TMEM120B: variants seen among roughly 807,000 people sequenced by gnomAD.
The protein encoded by TMEM120B is transmembrane protein 120B.
TMEM120B carries 31 observed loss-of-function variants against 55.5 expected under a neutral mutation model. The ratio of observed to expected loss-of-function variants is 0.56; its 90% CI spans 0.42 to 0.75. The LOEUF is 0.75. Among genes scored for constraint, TMEM120B ranks in the 30% least tolerant of loss-of-function variants. TMEM120B has a pLI of 0.00. For synonymous variants in TMEM120B, 203 were observed against 176.3 expected, an observed-to-expected ratio of 1.15 and a Z score of -1.20; for missense variants, 399 against 425.5, an observed-to-expected ratio of 0.94 and a Z score of 0.55.
chr12:121,775,029 T>G lies in TMEM120B; in HGVS notation c.838-33T>G, dbSNP rs758803384. ...TTCTACGTGGCCGGCCAGGGGAGTC[T>G]GGTGGGTGAGCAGCGCCTGCCTTCC... is the stretch of plus-strand genomic sequence containing the variant. On this transcript the variant is annotated intron_variant, in intron 10 of 11. Coordinates refer to ENST00000449592, the MANE Select transcript of TMEM120B (RefSeq NM_001080825.2). This position sits in a 1 kb window ranked among gnomAD's most constrained non-coding sequence, Gnocchi z 4.3. 1.1e-5 allele frequency: 18 copies of G among 1,611,186 alleles called. No individual in the cohort carries two copies. Among genetic ancestry groups the G allele is most frequent in the Non-Finnish European group, 1.4e-5 (17 of 1,178,568 alleles).
chr12:121,748,500 C>A, intron 3 of TMEM120B, 58 bp downstream of exon 3: 3 of 1,194,352 alleles, frequency 2.5e-6, no homozygotes, highest in Non-Finnish European at 3.6e-6. Flanking sequence ...CCTAGCACAG[C>A]TGGTCCATAT....
intron 2 of TMEM120B, among the ~76,000 whole-genome samples, chr12:121,746,926 C>G (rs994781570): frequency 6.6e-6 from 1 of 151,584 alleles, no homozygotes; most frequent in Non-Finnish European, 1.5e-5. Context: ...CCACTGCACT[C>G]CAGCCTGGGC....
At chr12:121,745,814 A>G (rs1873064509) in intron 2 of TMEM120B, among the ~76,000 whole-genome samples, 1 of 151,630 alleles carries the variant, frequency 6.6e-6, no homozygotes, top group Non-Finnish European at 1.5e-5. Flanking sequence ...CCTCATGAAT[A>G]CTAGGACTAC....
intron 1 of TMEM120B, among the ~76,000 whole-genome samples, chr12:121,715,591 G>A (rs951020030): frequency 2.6e-5 from 4 of 152,254 alleles, no homozygotes; most frequent in African/African-American, 4.8e-5. Flanking sequence ...CTCCTGCTCG[G>A]TTCATGATGG....
intron 1 of TMEM120B, among the ~76,000 whole-genome samples, chr12:121,732,678 C>G (rs946673355): frequency 1.3e-5 from 2 of 152,072 alleles, no homozygotes; most frequent in Admixed American, 6.6e-5. Context: ...TTTGCCAAAA[C>G]TTACTAAATC....
intron 6 of TMEM120B, among the ~76,000 whole-genome samples, chr12:121,769,858 AG>A (rs777554306): frequency 1.5e-4 from 23 of 152,142 alleles, no homozygotes; most frequent in Non-Finnish European, 2.6e-4. Flanking sequence ...GGGGTGGGAG[AG>A]GGGGCAGATC....
At chr12:121,739,156 T>C (rs1872845556) in intron 1 of TMEM120B, among the ~76,000 whole-genome samples, 1 of 152,084 alleles carries the variant, frequency 6.6e-6, no homozygotes, top group African/African-American at 2.4e-5. Flanking sequence ...CACTGTACTC[T>C]GGCCTGGGCG....
At position 121,775,621 on chromosome 12, in the gene TMEM120B, G is replaced by T. The variant is rs780717297; in HGVS notation, c.919G>T (p.Ala307Ser). 21 of 1,613,714 alleles carry T rather than the reference G, an allele frequency of 1.3e-5. No homozygotes were observed. The Middle Eastern group carries it at 4.9e-4, about 38-fold the overall frequency. Reference protein sequence around the residue: ...ECREWQVFVLAFTFLILFLGN... With the variant: ...ECREWQVFVLSFTFLILFLGN... Reference sequence around the variant, plus strand: ...TGGACTCCCCCAGGTGTTCGTACTGGCGTTCACCTTCCTCATCCTCTTCCT... The same window carrying T: ...TGGACTCCCCCAGGTGTTCGTACTGTCGTTCACCTTCCTCATCCTCTTCCT... The change falls in exon 12 of 12, where the codon GCG becomes TCG. Residue 307 changes from alanine (A) to serine (S), a missense_variant. Ala to Ser is a moderately conservative substitution (Grantham distance 99). Coordinates refer to ENST00000449592, the MANE Select transcript of TMEM120B (RefSeq NM_001080825.2). This position sits in a 1 kb window ranked among gnomAD's most constrained non-coding sequence, Gnocchi z 4.3.
At chr12:121,758,906 G>T (rs1873576259) in intron 5 of TMEM120B, 2 of 983,878 alleles carry the variant, frequency 2.0e-6, no homozygotes, top group Non-Finnish European at 2.4e-6. Flanking sequence ...GGACGGCCTA[G>T]CCCCGTGCTG....
Position 121,752,298 on chromosome 12 carries a change from G to C in TMEM120B, c.461+75G>C, listed in dbSNP as rs376784200. 331 of 1,273,498 alleles carry C rather than the reference G, an allele frequency of 2.6e-4. 1 individual carries two copies. In the African/African-American group the frequency reaches 4.3e-3, roughly 16 times the overall value. The allele number at this position is 1,273,498 out of a possible 1,614,324, so 78.9% of individuals were successfully genotyped here. A position where few individuals can be genotyped will look rare whatever the true frequency, so the allele number is the denominator to read the frequency against. On this transcript the variant is annotated intron_variant, in intron 5 of 11. Transcript: ENST00000449592. Reference sequence around the variant, plus strand: ...TGGGGGCCGGGAGAGAGGGATCCAGGGGACCCGGAGCCTCTCCTGCTTCTG... The same window carrying C: ...TGGGGGCCGGGAGAGAGGGATCCAGCGGACCCGGAGCCTCTCCTGCTTCTG...
At chr12:121,752,008 A>G (rs1380911471) in intron 4 of TMEM120B, 120 bp from the exon 5 acceptor site, 4 of 771,200 alleles carry the variant, frequency 5.2e-6, no homozygotes, top group Non-Finnish European at 8.7e-6. Context: ...TGGAATGGGA[A>G]GGTCCTTATG....
intron 8 of TMEM120B, among the ~76,000 whole-genome samples, chr12:121,771,828 C>T (rs1592949793): frequency 6.6e-6 from 1 of 152,240 alleles, no homozygotes; most frequent in East Asian, 1.9e-4. Context: ...GCCTTTTTTC[C>T]AGTCCTAAAT....
intron 1 of TMEM120B, among the ~76,000 whole-genome samples, chr12:121,718,361 T>C (rs1483777175): frequency 6.6e-6 from 1 of 151,930 alleles, no homozygotes; most frequent in Non-Finnish European, 1.5e-5. Flanking sequence ...AAACCTTAGC[T>C]GGGCATTGGT....
rs1342391588 is a variant in TMEM120B, at chr12:121,775,240, T to C, written c.906+110T>C. ...TGCGGATTCCTGGGGAGGGCTGGGA[T>C]GGCAGATGTGGGGGTGGGGTGTGTG... On this transcript the variant is annotated intron_variant, in intron 11 of 11. Coordinates refer to ENST00000449592, the MANE Select transcript of TMEM120B (RefSeq NM_001080825.2). This position sits in a 1 kb window ranked among gnomAD's most constrained non-coding sequence, Gnocchi z 4.3. 1 of 646,254 alleles carries C rather than the reference T, an allele frequency of 1.5e-6. No individual in the cohort carries two copies. The allele number at this position is 646,254 out of a possible 1,614,324, so 40.0% of individuals were successfully genotyped here.
In TMEM120B at chr12:121,759,000, A is replaced by G. The variant is rs916034571; in HGVS notation, c.462-2649A>G. The stretch of plus-strand genomic sequence containing the variant: ...AGGAGTTCTTCAGTTAGTGTTACAG[A>G]CAATATGGCCCACTGGGATTTTTTT... On this transcript the variant is annotated intron_variant, in intron 5 of 11. Coordinates refer to ENST00000449592, the MANE Select transcript of TMEM120B (RefSeq NM_001080825.2). The G allele has an allele frequency of 1.4e-5, 14 of 985,366 alleles. No homozygotes were observed. The African/African-American group carries it at 2.1e-4, about 15-fold the overall frequency. 61.0% of individuals were successfully genotyped at this position (985,366 alleles called of 1,614,324 possible). A position where few individuals can be genotyped will look rare whatever the true frequency, so the allele number is the denominator to read the frequency against.
chr12:121,733,945 C>G (rs1343331957), intron 1 of TMEM120B, among the ~76,000 whole-genome samples: 2 of 151,998 alleles, frequency 1.3e-5, no homozygotes, highest in Non-Finnish European at 2.9e-5. Flanking sequence ...TTTAAAAAAC[C>G]CAAAGGATGT....
chr12:121,732,745 C>T (rs571402207), intron 1 of TMEM120B, among the ~76,000 whole-genome samples: 45 of 152,080 alleles, frequency 3.0e-4, no homozygotes, highest in Non-Finnish European at 4.1e-4. Context: ...TTTGGGAGGC[C>T]GAGGCAGGTG....
At chr12:121,746,907 G>A (rs963596736) in intron 2 of TMEM120B, among the ~76,000 whole-genome samples, 89 of 151,654 alleles carry the variant, frequency 5.9e-4, no homozygotes, top group Non-Finnish European at 9.7e-4. Flanking sequence ...GCAGCGAGCC[G>A]AGATGGCGCC....
In TMEM120B at chr12:121,775,611, G is replaced by C. The variant is rs1432473011; in HGVS notation, c.909G>C (p.Val303=). 1.2e-6 allele frequency: 2 copies of C among 1,613,504 alleles called. No homozygotes were observed. Among genetic ancestry groups the C allele is most frequent in the East Asian group, 2.2e-5 (1 of 44,882 alleles). The change falls in exon 12 of 12, where the codon GTG becomes GTC. Residue 303 remains valine, a splice_region_variant and synonymous_variant. Transcript: ENST00000449592. The surrounding 1 kb of genome is among the most constrained non-coding windows in gnomAD (Gnocchi z 4.3). The part of the protein sequence containing the change: ...SSHEECREWQ[V]FVLAFTFLIL... Reference sequence around the variant, plus strand: ...CCCTCCTCTCTGGACTCCCCCAGGTGTTCGTACTGGCGTTCACCTTCCTCA... The same window carrying C: ...CCCTCCTCTCTGGACTCCCCCAGGTCTTCGTACTGGCGTTCACCTTCCTCA...
Sources: allele counts gnomAD v4.1 joint callset (sites outside exome capture counted in the v4.1 genomes callset), GRCh38; gene constraint gnomAD v4.1.1; non-coding constraint Gnocchi (gnomAD v3.1); transcripts MANE v1.5; gene names NCBI Gene and HGNC (gene_info 2026-07-23, HGNC 2026-07-21).